The following SAFB2 variants were observed in gnomAD, a reference collection of about 807,000 sequenced individuals.
The protein encoded by SAFB2 is scaffold attachment factor B2.
In SAFB2, 32 loss-of-function variants were observed where a neutral mutation model predicts 100.6. That is an observed-to-expected ratio of 0.32 (90% CI 0.24 to 0.43). SAFB2 has a LOEUF of 0.43. Among genes scored for constraint, SAFB2 ranks in the 20% least tolerant of loss-of-function variants. The pLI is 1.00. For synonymous variants in SAFB2, 500 were observed against 439.4 expected (o/e 1.14, Z -1.72); for missense variants, 1,185 against 1,163.4 (o/e 1.02, Z -0.27).
intron 2 of SAFB2, among the ~76,000 whole-genome samples, chr19:5,618,831 T>A (rs1225152095): frequency 8.5e-5 from 13 of 152,264 alleles, no homozygotes. Flanking sequence ...CTGCCGCTGC[T>A]GGGGACACAG....
At chr19:5,600,313 A>G in intron 11 of SAFB2, 53 bp from the exon 12 acceptor site, 1 of 1,598,744 alleles carries the variant, frequency 6.3e-7, no homozygotes, top group South Asian at 1.1e-5. Context: ...TGTAACAGGA[A>G]CGGCTCACCC....
chr19:5,593,004 T>C, intron 15 of SAFB2, 117 bp from the exon 16 acceptor site: 1 of 905,428 alleles, frequency 1.1e-6, no homozygotes, highest in Non-Finnish European at 1.7e-6. Flanking sequence ...TCGTTTAAAA[T>C]GTCCTGCAGG....
At chr19:5,607,330 A>G (rs1366949610) in intron 9 of SAFB2, among the ~76,000 whole-genome samples, 1 of 152,218 alleles carries the variant, frequency 6.6e-6, no homozygotes, top group East Asian at 1.9e-4. Flanking sequence ...GCCAAACCAC[A>G]ACAAGTCAAA....
rs201611989 is a variant in SAFB2 at position 5,590,448 on chromosome 19, C to A, written c.2395-40G>T. The A allele has an allele frequency of 9.0e-6, 14 of 1,557,850 alleles. No individual in the cohort carries two copies. In the Admixed American group the frequency reaches 2.4e-4, roughly 26 times the overall value. ...AGGAACAGGGTGACACTGACCATGTCACCCACATAGGCCCACCTTCCGGAA... is the reference window on the plus strand; with the variant it reads ...AGGAACAGGGTGACACTGACCATGTAACCCACATAGGCCCACCTTCCGGAA... On this transcript the variant is annotated intron_variant, in intron 17 of 20. Transcript: ENST00000252542.
intron 11 of SAFB2, 79 bp downstream of exon 11, chr19:5,604,504 C>G (rs544152786): frequency 1.0e-6 from 1 of 1,002,232 alleles, no homozygotes; most frequent in Non-Finnish European, 1.5e-6. Context: ...GGGACAGATG[C>G]GTGTTTTTCA....
rs1326174416 is a variant in SAFB2 at position 5,622,596 on chromosome 19, C to T, written c.120G>A (p.Ala40=). The T allele has an allele frequency of 1.2e-6, 2 of 1,613,356 alleles. No individual in the cohort carries two copies. Among genetic ancestry groups the T allele is most frequent in the African/African-American group, 2.7e-5 (2 of 74,918 alleles). ...TGTCCAGGTTCCGCTTCTTCAGCTC[C>T]GCCCGCAGATCGATCACCCGCAGCT... ...LSELRVIDLR[A]ELKKRNLDTG... Residue 40 remains alanine (A), a synonymous_variant, in exon 1 of 21, where the codon GCG becomes GCA. Transcript: ENST00000252542.
chr19:5,609,226 C>G (rs1198428818), intron 9 of SAFB2, among the ~76,000 whole-genome samples: 2 of 151,708 alleles, frequency 1.3e-5, no homozygotes, highest in South Asian at 2.1e-4. Context: ...ATTTTTGAAC[C>G]ACGATCATGT....
intron 8 of SAFB2, 81 bp from the exon 9 acceptor site, chr19:5,610,176 T>A: frequency 2.6e-6 from 3 of 1,145,836 alleles, no homozygotes; most frequent in South Asian, 1.3e-5. Context: ...CAGCCCTCTT[T>A]AAAAACCCTA....
At position 5,587,454 on chromosome 19, in the gene SAFB2, G is replaced by GT. The variant is rs1793844709; in HGVS notation, c.2706-56dup. 6.4e-7 allele frequency: 1 copy of GT among 1,551,944 alleles called. No individual in the cohort carries two copies. Among genetic ancestry groups the GT allele is most frequent in the Non-Finnish European group, 8.7e-7 (1 of 1,144,860 alleles). ...CCTTGAAGTGCTCAGCGTTTTCATC[G>GT]TAACATGGGTTCAGTAACGGTCCCG... On this transcript the variant is annotated intron_variant, in intron 20 of 20. Coordinates refer to ENST00000252542, the MANE Select transcript of SAFB2 (RefSeq NM_014649.3). This position sits in a 1 kb window ranked among gnomAD's most constrained non-coding sequence, Gnocchi z 4.9.
intron 2 of SAFB2, among the ~76,000 whole-genome samples, chr19:5,618,630 T>C (rs1312494539): frequency 6.6e-6 from 1 of 152,218 alleles, no homozygotes; most frequent in Non-Finnish European, 1.5e-5. Context: ...ACACAGCATA[T>C]CCTTTTGAAA....
intron 13 of SAFB2, chr19:5,598,466 A>G: frequency 3.0e-6 from 1 of 331,010 alleles, no homozygotes. Flanking sequence ...TAAGTCAACC[A>G]AAGAGTAGGA....
chr19:5,602,337 G>A (rs933496496), intron 11 of SAFB2, among the ~76,000 whole-genome samples: 5 of 151,822 alleles, frequency 3.3e-5, no homozygotes, highest in African/African-American at 7.2e-5. Flanking sequence ...AAAATTAGCC[G>A]GGCGTGGTGG....
Position 5,587,857 on chromosome 19 carries a change from C to G in SAFB2, c.2638+11G>C. On this transcript the variant is annotated intron_variant, in intron 19 of 20. Coordinates refer to ENST00000252542, the MANE Select transcript of SAFB2 (RefSeq NM_014649.3). This position sits in a 1 kb window ranked among gnomAD's most constrained non-coding sequence, Gnocchi z 4.9. ...CCACAGCCACCCTCGTCCCTGGAGC[C>G]AGCCCCGTACCTTGCCACCTGGCGT... 6.2e-7 allele frequency: 1 copy of G among 1,605,304 alleles called. No individual in the cohort carries two copies.
At position 5,587,832 on chromosome 19, in the gene SAFB2, C is replaced by A; in HGVS notation, c.2638+36G>T. 3 of 1,582,552 alleles carry A rather than the reference C, an allele frequency of 1.9e-6. No homozygotes were observed. The highest frequency in any genetic ancestry group is 1.1e-5 in the South Asian group (1 of 87,458). ...GGAAGCCCCTGGACACATGTGGGGG[C>A]CACAGCCACCCTCGTCCCTGGAGCC... On this transcript the variant is annotated intron_variant, in intron 19 of 20. Transcript: ENST00000252542. This position sits in a 1 kb window ranked among gnomAD's most constrained non-coding sequence, Gnocchi z 4.9.
rs1182947702 is a variant in SAFB2 at position 5,595,365 on chromosome 19, G to A, written c.1915C>T (p.Arg639Trp). The change falls in exon 14 of 21, where the codon CGG becomes TGG. Residue 639 changes from arginine (R) to tryptophan (W), a missense_variant. By Grantham distance (101) the Arg-to-Trp change is moderately radical. Around this residue, in one of 3 missense-constraint regions of SAFB2, gnomAD observed 740 missense variants for 687.1 expected, o/e 1.08. Coordinates refer to ENST00000252542, the MANE Select transcript of SAFB2 (RefSeq NM_014649.3). ...REREIRETER[R>W]REREQREREQ... ...GCCTCACCCAGCTCCACTCACCGCC[G>A]CCTCTCCGTTTCGCGGATCTCCCGT... is the stretch of plus-strand genomic sequence containing the variant. The A allele has an allele frequency of 8.1e-6, 13 of 1,609,376 alleles. No homozygotes were observed. In the East Asian group the frequency reaches 2.0e-4, roughly 25 times the overall value.
In SAFB2 at chr19:5,587,092, A is replaced by G; in HGVS notation, c.*151T>C. The G allele has an allele frequency of 9.5e-7, 1 of 1,050,584 alleles. No individual in the cohort carries two copies. Among genetic ancestry groups the G allele is most frequent in the Non-Finnish European group, 1.3e-6 (1 of 741,474 alleles). The allele number at this position is 1,050,584 out of a possible 1,614,324, so 65.1% of individuals were successfully genotyped here. ...CAGAACAAGAACACATTTATTTAAA[A>G]AAAAAAAAAAAGTGAGTTCACATTG... On this transcript the variant is annotated 3_prime_UTR_variant, in exon 21 of 21. Transcript: ENST00000252542. This position sits in a 1 kb window ranked among gnomAD's most constrained non-coding sequence, Gnocchi z 4.9.
At chr19:5,594,232 A>G in intron 14 of SAFB2, 54 bp from the exon 15 acceptor site, 2 of 1,491,970 alleles carry the variant, frequency 1.3e-6, no homozygotes, top group Non-Finnish European at 8.9e-7. Context: ...TCCAAGGAGA[A>G]AGCCCGGTGC....
intron 5 of SAFB2, 31 bp downstream of exon 5, chr19:5,613,434 T>C: frequency 6.3e-7 from 1 of 1,583,226 alleles, no homozygotes; most frequent in South Asian, 1.1e-5. Flanking sequence ...GATTAACATT[T>C]CCAGCGATGC....
intron 9 of SAFB2, among the ~76,000 whole-genome samples, chr19:5,608,014 A>C (rs1039324017): frequency 1.3e-5 from 2 of 152,226 alleles, no homozygotes; most frequent in African/African-American, 4.8e-5. Flanking sequence ...GACAAAACCC[A>C]AATGAGAGCA....
Sources: allele counts gnomAD v4.1 joint callset (sites outside exome capture counted in the v4.1 genomes callset), GRCh38; gene constraint gnomAD v4.1.1; regional missense constraint gnomAD v4.1.1; non-coding constraint Gnocchi (gnomAD v3.1); transcripts MANE v1.5; gene names NCBI Gene and HGNC (gene_info 2026-07-23, HGNC 2026-07-21).